Variants in CACNA2D3 observed in about 807,000 individuals in gnomAD.
CACNA2D3 encodes voltage-dependent calcium channel subunit alpha-2/delta-3.
In CACNA2D3, 60 loss-of-function variants were observed where a neutral mutation model predicts 160.6. The observed-to-expected ratio is 0.37, with a 90% CI of 0.30 to 0.46. The LOEUF (loss-of-function observed/expected upper bound fraction) is 0.46. CACNA2D3 is among the 20% of genes least tolerant of loss of function. The pLI is 1.00. For missense variants in CACNA2D3, 1,205 were observed against 1,365.0 expected (o/e 0.88, Z 1.85); for synonymous variants, 558 against 492.9 (o/e 1.13, Z -1.75).
intron 31 of CACNA2D3, among the ~76,000 whole-genome samples, chr3:54,998,968 G>C (rs1046856840): frequency 3.9e-5 from 6 of 152,132 alleles, no homozygotes; most frequent in Admixed American, 2.0e-4. Flanking sequence ...GGATGGTCTC[G>C]ATCTCCTGAC....
chr3:54,202,850 A>G (rs561202655), intron 2 of CACNA2D3, among the ~76,000 whole-genome samples: 3 of 152,328 alleles, frequency 2.0e-5, no homozygotes, highest in East Asian at 1.9e-4. Context: ...TCTCCCCACT[A>G]CTTGACTCTC....
chr3:54,558,782 G>A (rs1384937073), intron 5 of CACNA2D3, among the ~76,000 whole-genome samples: 1 of 152,146 alleles, frequency 6.6e-6, no homozygotes, highest in Non-Finnish European at 1.5e-5. Flanking sequence ...TTATTCCATG[G>A]TGTGTGTGTA....
chr3:55,051,334 C>T (rs1298476755), intron 35 of CACNA2D3, among the ~76,000 whole-genome samples: 1 of 152,080 alleles, frequency 6.6e-6, no homozygotes, highest in African/African-American at 2.4e-5. Context: ...AGGGGACCCT[C>T]AGCTGCAGGT....
At chr3:54,470,883 A>C (rs1199981092) in intron 4 of CACNA2D3, among the ~76,000 whole-genome samples, 2 of 152,238 alleles carry the variant, frequency 1.3e-5, no homozygotes, top group South Asian at 4.1e-4. Flanking sequence ...ATATATATGC[A>C]CCCAATACAG....
chr3:54,880,470 A>G (rs1270071333), intron 20 of CACNA2D3, among the ~76,000 whole-genome samples: 1 of 152,208 alleles, frequency 6.6e-6, no homozygotes, highest in Admixed American at 6.5e-5. Flanking sequence ...AAGGGTGTAT[A>G]AAGAGCAGGG....
At chr3:55,038,155 A>G (rs1703871583) in intron 35 of CACNA2D3, among the ~76,000 whole-genome samples, 2 of 152,212 alleles carry the variant, frequency 1.3e-5, no homozygotes, top group Admixed American at 6.5e-5. Context: ...AAAGTCTGTA[A>G]TAGTCGGAAA....
chr3:54,417,623 A>G (rs1249784226), intron 4 of CACNA2D3, among the ~76,000 whole-genome samples: 2 of 152,174 alleles, frequency 1.3e-5, no homozygotes, highest in African/African-American at 2.4e-5. Context: ...AAAATTACCT[A>G]TTATCTCCCT....
intron 2 of CACNA2D3, among the ~76,000 whole-genome samples, chr3:54,310,806 C>CT (rs1250363469): frequency 6.6e-6 from 1 of 152,192 alleles, no homozygotes; most frequent in African/African-American, 2.4e-5. Flanking sequence ...CTGCTGCGTA[C>CT]TTTACACACT....
chr3:54,338,151 A>C (rs899135239), intron 3 of CACNA2D3, among the ~76,000 whole-genome samples: 1 of 152,258 alleles, frequency 6.6e-6, no homozygotes, highest in African/African-American at 2.4e-5. Flanking sequence ...ATTCTGTTTT[A>C]TTATGGAGGT....
chr3:54,491,639 G>A (rs554492609), intron 4 of CACNA2D3, among the ~76,000 whole-genome samples: 3 of 152,256 alleles, frequency 2.0e-5, no homozygotes, highest in South Asian at 4.1e-4. Context: ...GAGGGCTTGC[G>A]GGCCATGTCC....
chr3:54,586,999 G>C lies in CACNA2D3; in HGVS notation c.963+5122G>C, dbSNP rs112338905. Among the ~76,000 whole-genome samples the C allele has an allele frequency of 2.6e-5, 4 of 151,998 alleles. 1 individual carries two copies. The highest frequency in any genetic ancestry group is 9.6e-5 in the African/African-American group (4 of 41,474). ...AAAACAAAGATTACATATCACAAGA[G>C]GTGGAACAAAGCTATAGCAATGTTA... On this transcript the variant is annotated intron_variant, in intron 9 of 37. Coordinates refer to ENST00000474759, the MANE Select transcript of CACNA2D3 (RefSeq NM_018398.3).
rs796392854 is a variant in CACNA2D3 at position 54,350,986 on chromosome 3, G to GTTT, written c.321+30446_321+30448dup. Among the ~76,000 whole-genome samples, 57 of 65,930 alleles carry GTTT rather than the reference G, an allele frequency of 8.6e-4. 2 individuals are homozygous for GTTT. Among genetic ancestry groups the GTTT allele is most frequent in the South Asian group, 1.5e-3 (3 of 1,978 alleles). The allele number at this position is 65,930 out of a possible 152,430, so 43.3% of individuals were successfully genotyped here. On this transcript the variant is annotated intron_variant, in intron 3 of 37. Transcript: ENST00000474759. The stretch of plus-strand genomic sequence containing the variant: ...TGAGTCTGTTTTTTTTTTTTTGTTT[G>GTTT]TTTTTTTTTTTTTTTTTTTTGAGAC...
intron 34 of CACNA2D3, among the ~76,000 whole-genome samples, chr3:55,011,930 T>C (rs559396540): frequency 6.6e-6 from 1 of 150,516 alleles, no homozygotes; most frequent in African/African-American, 2.4e-5. Flanking sequence ...TGAAAAAAAA[T>C]GAGATTTAAA....
intron 6 of CACNA2D3, among the ~76,000 whole-genome samples, chr3:54,563,151 T>C (rs1292981387): frequency 6.6e-6 from 1 of 152,192 alleles, no homozygotes; most frequent in Non-Finnish European, 1.5e-5. Flanking sequence ...TCTCTGGACC[T>C]GCCCTGTTCT....
At chr3:55,061,975 T>C (rs1483673498) in intron 35 of CACNA2D3, among the ~76,000 whole-genome samples, 1 of 152,224 alleles carries the variant, frequency 6.6e-6, no homozygotes, top group Non-Finnish European at 1.5e-5. Context: ...GACAGGGCTC[T>C]TTGTTTTCTG....
At chr3:55,006,744 C>G (rs1703103075) in intron 32 of CACNA2D3, among the ~76,000 whole-genome samples, 2 of 152,120 alleles carry the variant, frequency 1.3e-5, no homozygotes, top group South Asian at 4.1e-4. Context: ...TCTGGCCGGA[C>G]TGGGAAAGTT....
intron 9 of CACNA2D3, among the ~76,000 whole-genome samples, chr3:54,609,733 A>T (rs1698710178): frequency 6.6e-6 from 1 of 152,192 alleles, no homozygotes; most frequent in South Asian, 2.1e-4. Flanking sequence ...GCTTGTGTAT[A>T]TTGTGACTCT....
chr3:54,259,082 T>G (rs1027771921), intron 2 of CACNA2D3, among the ~76,000 whole-genome samples: 3 of 152,228 alleles, frequency 2.0e-5, no homozygotes, highest in African/African-American at 7.2e-5. Context: ...AGCCACAATG[T>G]GGGCAGGGGC....
chr3:54,967,847 C>A (rs1702185154), intron 27 of CACNA2D3, among the ~76,000 whole-genome samples: 1 of 152,198 alleles, frequency 6.6e-6, no homozygotes, highest in Non-Finnish European at 1.5e-5. Flanking sequence ...AACTAGCATT[C>A]ACAGTTGCTT....
Sources: allele counts gnomAD v4.1 joint callset (sites outside exome capture counted in the v4.1 genomes callset), GRCh38; gene constraint gnomAD v4.1.1; transcripts MANE v1.5; gene names NCBI Gene and HGNC (gene_info 2026-07-23, HGNC 2026-07-21).